The following WWOX variants were observed in gnomAD, a reference collection of about 807,000 sequenced individuals.
The protein encoded by WWOX is WW domain containing oxidoreductase, also known as WW domain-containing oxidoreductase.
Under a neutral mutation model 46.2 loss-of-function variants are expected in WWOX, and 69 were observed. That is an observed-to-expected ratio of 1.49 (90% confidence interval 1.23 to 1.82). The LOEUF is 1.82. Among genes scored for constraint, WWOX ranks in the 40% most tolerant of loss-of-function variants. The probability of loss-of-function intolerance (pLI) is 0.00; values close to 1 mark genes in which losing one functional copy is unlikely to be tolerated. For synonymous variants in WWOX, 359 were observed against 202.6 expected (o/e 1.77, Z -6.56); for missense variants, 919 against 542.6 (o/e 1.69, Z -6.89).
intron 8 of WWOX, among the ~76,000 whole-genome samples, chr16:79,172,919 G>A (rs116935360): frequency 0.013 from 1,978 of 152,132 alleles, 22 homozygotes; most frequent in Middle Eastern, 0.028. Context: ...TACTCAGGGG[G>A]CTGAGGCAGG....
chr16:78,901,106 T>C (rs1360884121), intron 8 of WWOX, among the ~76,000 whole-genome samples: 1 of 152,210 alleles, frequency 6.6e-6, no homozygotes, highest in Non-Finnish European at 1.5e-5. Flanking sequence ...TCCCAGTCAT[T>C]ACCTTTCTCC....
chr16:78,747,135 T>C (rs1248941746), intron 8 of WWOX, among the ~76,000 whole-genome samples: 2 of 152,052 alleles, frequency 1.3e-5, no homozygotes, highest in Admixed American at 1.3e-4. Flanking sequence ...TTCAAGGCTT[T>C]TGTACATGTT....
At chr16:78,382,142 G>A (rs2081968163) in intron 5 of WWOX, among the ~76,000 whole-genome samples, 2 of 152,234 alleles carry the variant, frequency 1.3e-5, no homozygotes, top group South Asian at 4.2e-4. Context: ...AGGTAGACAG[G>A]GACCAAGTCA....
chr16:78,775,856 C>G (rs1051699008), intron 8 of WWOX, among the ~76,000 whole-genome samples: 6 of 152,178 alleles, frequency 3.9e-5, no homozygotes, highest in Non-Finnish European at 8.8e-5. Context: ...TTAACCCTGT[C>G]TTATTGGATG....
At chr16:78,132,991 C>T (rs980369331) in intron 4 of WWOX, among the ~76,000 whole-genome samples, 6 of 152,088 alleles carry the variant, frequency 3.9e-5, no homozygotes, top group Non-Finnish European at 7.4e-5. Context: ...GCAGGGAAAG[C>T]GGTCATGTTT....
intron 8 of WWOX, among the ~76,000 whole-genome samples, chr16:78,452,023 T>C (rs1261306575): frequency 6.6e-6 from 1 of 152,250 alleles, no homozygotes; most frequent in African/African-American, 2.4e-5. Flanking sequence ...GTGACTCTAA[T>C]ACATTATATT....
At chr16:78,524,504 T>G (rs1284691897) in intron 8 of WWOX, among the ~76,000 whole-genome samples, 1 of 152,094 alleles carries the variant, frequency 6.6e-6, no homozygotes, top group Non-Finnish European at 1.5e-5. Flanking sequence ...CACTGCAGCC[T>G]CTGCCTCCCG....
rs539949436 is a variant in WWOX at position 78,890,471 on chromosome 16, G to A, written c.1057-321137G>A. On this transcript the variant is annotated intron_variant, in intron 8 of 8. Coordinates refer to ENST00000566780, the MANE Select transcript of WWOX (RefSeq NM_016373.4). ...CTGTTCCCCCAGCCCCAGTCAGGAG[G>A]GCTTGTCCACAAGTTGCTGTCTGAA... The A allele has an allele frequency of 2.6e-5, 4 of 151,830 alleles. No individual in the cohort carries two copies. In the East Asian group the frequency reaches 7.7e-4, roughly 29 times the overall value. The allele number at this position is 151,830 out of a possible 1,614,324, so 9.4% of individuals were successfully genotyped here.
intron 5 of WWOX, among the ~76,000 whole-genome samples, chr16:78,204,632 AG>A (rs1162218749): frequency 1.3e-5 from 2 of 152,078 alleles, no homozygotes; most frequent in African/African-American, 4.8e-5. Flanking sequence ...TTTGATTTTT[AG>A]ATCCAAGAAA....
At chr16:78,765,551 C>T (rs538758762) in intron 8 of WWOX, among the ~76,000 whole-genome samples, 3 of 152,132 alleles carry the variant, frequency 2.0e-5, no homozygotes, top group Admixed American at 6.5e-5. Flanking sequence ...TGATAGCGGG[C>T]GCCTGTAATC....
At chr16:78,527,655 C>G (rs562660228) in intron 8 of WWOX, among the ~76,000 whole-genome samples, 2 of 152,182 alleles carry the variant, frequency 1.3e-5, no homozygotes, top group Non-Finnish European at 2.9e-5. Flanking sequence ...TCCTACTATG[C>G]ACCTTACAGC....
At chr16:78,920,373 G>A (rs965880979) in intron 8 of WWOX, among the ~76,000 whole-genome samples, 5 of 152,186 alleles carry the variant, frequency 3.3e-5, no homozygotes, top group Non-Finnish European at 7.3e-5. Flanking sequence ...GGGTGCAGAT[G>A]TGATGCTTTC....
intron 8 of WWOX, among the ~76,000 whole-genome samples, chr16:78,490,966 C>A (rs2084770586): frequency 6.6e-6 from 1 of 152,158 alleles, no homozygotes. Context: ...GGCTCACCAG[C>A]CCCTGAGCTG....
intron 8 of WWOX, among the ~76,000 whole-genome samples, chr16:78,480,287 A>G (rs952703166): frequency 3.3e-4 from 50 of 152,314 alleles, no homozygotes; most frequent in African/African-American, 1.2e-3. Context: ...GCTCTTTTGG[A>G]TACATCTGCT....
chr16:79,153,941 C>T (rs1333387205), intron 8 of WWOX, among the ~76,000 whole-genome samples: 1 of 140,494 alleles, frequency 7.1e-6, no homozygotes, highest in Non-Finnish European at 1.5e-5. Context: ...GGACTGTCCA[C>T]AATTTCTTGT....
chr16:78,854,989 A>T (rs2052534281), intron 8 of WWOX, among the ~76,000 whole-genome samples: 1 of 150,110 alleles, frequency 6.7e-6, no homozygotes. Flanking sequence ...TCAAATTTAC[A>T]CTCCATTATT....
chr16:78,582,197 G>T (rs546692190), intron 8 of WWOX, among the ~76,000 whole-genome samples: 1 of 152,316 alleles, frequency 6.6e-6, no homozygotes, highest in African/African-American at 2.4e-5. Flanking sequence ...ACGGCCAGAA[G>T]AATGTTCCTA....
At chr16:78,474,715 T>A (rs1285744868) in intron 8 of WWOX, among the ~76,000 whole-genome samples, 1 of 137,352 alleles carries the variant, frequency 7.3e-6, no homozygotes, top group East Asian at 1.9e-4. Flanking sequence ...GCACCCCATA[T>A]TTTTTACCTC....
chr16:78,442,875 C>A (rs1001289230), intron 8 of WWOX, among the ~76,000 whole-genome samples: 1 of 152,040 alleles, frequency 6.6e-6, no homozygotes, highest in Non-Finnish European at 1.5e-5. Flanking sequence ...GTAATCCCAG[C>A]ACTTTGGGAG....
Sources: allele counts gnomAD v4.1 joint callset (sites outside exome capture counted in the v4.1 genomes callset), GRCh38; gene constraint gnomAD v4.1.1; transcripts MANE v1.5; gene names NCBI Gene and HGNC (gene_info 2026-07-23, HGNC 2026-07-21).